The following SGCZ variants were observed in gnomAD, a reference collection of about 807,000 sequenced individuals.
The protein encoded by SGCZ is sarcoglycan zeta.
SGCZ carries 40 observed loss-of-function variants against 41.3 expected under a neutral mutation model. The observed-to-expected ratio is 0.97, with a 90% confidence interval of 0.75 to 1.26. The LOEUF (loss-of-function observed/expected upper bound fraction) is 1.26, where lower values mean the gene tolerates loss of function less well. SGCZ is among the 50% of genes most tolerant of loss of function. The pLI, the probability that SGCZ is intolerant of heterozygous loss-of-function variation, is 0.00. For missense variants in SGCZ, 552 were observed against 369.8 expected, an observed-to-expected ratio of 1.49 and a Z score of -4.04; for synonymous variants, 206 against 137.5, an observed-to-expected ratio of 1.50 and a Z score of -3.49.
chr8:14,417,699 A>G (rs968323988), intron 2 of SGCZ, among the ~76,000 whole-genome samples: 1 of 151,934 alleles, frequency 6.6e-6, no homozygotes, highest in Non-Finnish European at 1.5e-5. Flanking sequence ...GAAATTTGCT[A>G]AGGGAGTAGA....
chr8:14,393,939 T>A (rs570685400), intron 2 of SGCZ, among the ~76,000 whole-genome samples: 10 of 152,304 alleles, frequency 6.6e-5, no homozygotes, highest in Non-Finnish European at 1.0e-4. Flanking sequence ...CTGACCATAT[T>A]TTAAAATATA....
At chr8:14,992,361 C>A (rs1317370152) in intron 1 of SGCZ, among the ~76,000 whole-genome samples, 1 of 149,486 alleles carries the variant, frequency 6.7e-6, no homozygotes, top group Non-Finnish European at 1.5e-5. Context: ...AATCTACTCC[C>A]AAAACCAATG....
chr8:14,311,877 A>C (rs906357222), intron 3 of SGCZ, among the ~76,000 whole-genome samples: 1 of 152,168 alleles, frequency 6.6e-6, no homozygotes. Context: ...GCAGTGTTGT[A>C]TGAAGTGATC....
chr8:15,071,874 C>G (rs1805362927), intron 1 of SGCZ, among the ~76,000 whole-genome samples: 1 of 152,018 alleles, frequency 6.6e-6, no homozygotes, highest in Admixed American at 6.6e-5. Flanking sequence ...GCTGAAGACT[C>G]CATCTCATCT....
At chr8:15,150,710 T>C (rs776202215) in intron 1 of SGCZ, among the ~76,000 whole-genome samples, 1 of 152,234 alleles carries the variant, frequency 6.6e-6, no homozygotes, top group Non-Finnish European at 1.5e-5. Flanking sequence ...CTTTTTATTT[T>C]CCTAAATTCT....
intron 7 of SGCZ, among the ~76,000 whole-genome samples, chr8:14,092,570 GGA>G (rs1801720911): frequency 6.6e-6 from 1 of 151,954 alleles, no homozygotes; most frequent in Admixed American, 6.6e-5. Flanking sequence ...GGACCCAGTG[GGA>G]GATAGTTAAA....
At position 14,600,750 on chromosome 8, in the gene SGCZ, G is replaced by T. The variant is rs73517281; in HGVS notation, c.40-45824C>A. 7.7e-3 allele frequency among the ~76,000 whole-genome samples: 1,173 copies of T among 152,064 alleles called. 17 individuals are homozygous for T. Among genetic ancestry groups the T allele is most frequent in the African/African-American group, 0.027 (1,115 of 41,480 alleles). ...ACACATGCATCATTTTAAATTAAAG[G>T]TATCCTTGTACTATTTTAGTATTTA... On this transcript the variant is annotated intron_variant, in intron 1 of 7. Coordinates refer to ENST00000382080, the MANE Select transcript of SGCZ (RefSeq NM_139167.4).
In SGCZ at chr8:14,736,981, A is replaced by G. The variant is rs550443583; in HGVS notation, c.40-182055T>C. 2.9e-3 allele frequency among the ~76,000 whole-genome samples: 442 copies of G among 151,596 alleles called. 6 individuals carry two copies. The highest frequency in any genetic ancestry group is 0.01 in the African/African-American group (428 of 41,392). On this transcript the variant is annotated intron_variant, in intron 1 of 7. Coordinates refer to ENST00000382080, the MANE Select transcript of SGCZ (RefSeq NM_139167.4). ...AAAATTGTGGAACCAAACCAAATCCACATCAATCAACAAGTGGATAAAGAA... is the reference window on the plus strand; with the variant it reads ...AAAATTGTGGAACCAAACCAAATCCGCATCAATCAACAAGTGGATAAAGAA...
At chr8:14,500,656 A>G (rs1416872640) in intron 2 of SGCZ, among the ~76,000 whole-genome samples, 1 of 152,066 alleles carries the variant, frequency 6.6e-6, no homozygotes, top group Non-Finnish European at 1.5e-5. Context: ...ATATACCTGT[A>G]TTATTGACAG....
intron 3 of SGCZ, among the ~76,000 whole-genome samples, chr8:14,287,880 T>A (rs533311479): frequency 6.6e-6 from 1 of 152,136 alleles, no homozygotes; most frequent in African/African-American, 2.4e-5. Flanking sequence ...TAATTGGGAA[T>A]CTAGCTTAAT....
chr8:14,565,957 G>C (rs1162642842), intron 1 of SGCZ, among the ~76,000 whole-genome samples: 1 of 152,050 alleles, frequency 6.6e-6, no homozygotes, highest in Non-Finnish European at 1.5e-5. Context: ...ATTATTTATA[G>C]TGTAGTCAAA....
intron 1 of SGCZ, among the ~76,000 whole-genome samples, chr8:14,695,393 ATAAG>A (rs1221678727): frequency 6.6e-6 from 1 of 152,178 alleles, no homozygotes; most frequent in Non-Finnish European, 1.5e-5. Flanking sequence ...TGCATGTAAA[ATAAG>A]TATCATTAGC....
chr8:14,244,701 G>A (rs926896657), intron 3 of SGCZ, among the ~76,000 whole-genome samples: 3 of 151,796 alleles, frequency 2.0e-5, no homozygotes, highest in African/African-American at 4.8e-5. Flanking sequence ...CCATTTTCAC[G>A]ATATTGATTC....
intron 1 of SGCZ, among the ~76,000 whole-genome samples, chr8:14,830,899 A>C (rs914721251): frequency 2.0e-5 from 3 of 152,228 alleles, no homozygotes. Flanking sequence ...GGAAATTATC[A>C]GAGCTTTCTG....
At chr8:15,175,224 A>C (rs1463733691) in intron 1 of SGCZ, among the ~76,000 whole-genome samples, 1 of 152,184 alleles carries the variant, frequency 6.6e-6, no homozygotes, top group Non-Finnish European at 1.5e-5. Flanking sequence ...GTAAAGACAC[A>C]TGCATGCTTG....
intron 2 of SGCZ, among the ~76,000 whole-genome samples, chr8:14,518,395 A>C (rs1185276046): frequency 6.6e-6 from 1 of 152,142 alleles, no homozygotes; most frequent in Non-Finnish European, 1.5e-5. Context: ...TTACACATGG[A>C]ATAAATATCG....
chr8:14,772,793 T>C (rs1453651182), intron 1 of SGCZ, among the ~76,000 whole-genome samples: 1 of 152,116 alleles, frequency 6.6e-6, no homozygotes. Context: ...TTCCATGGTG[T>C]ATATGTGCCA....
At chr8:14,168,975 T>G (rs763576191) in intron 4 of SGCZ, among the ~76,000 whole-genome samples, 1 of 152,146 alleles carries the variant, frequency 6.6e-6, no homozygotes, top group Non-Finnish European at 1.5e-5. Context: ...ATTTGACCGA[T>G]GAGGAAACCA....
chr8:14,187,398 C>T (rs1056703151), intron 4 of SGCZ, among the ~76,000 whole-genome samples: 3 of 152,036 alleles, frequency 2.0e-5, no homozygotes, highest in African/African-American at 4.8e-5. Flanking sequence ...AAATGTCAGA[C>T]TTAACCAAGA....
Sources: allele counts gnomAD v4.1 joint callset (sites outside exome capture counted in the v4.1 genomes callset), GRCh38; gene constraint gnomAD v4.1.1; transcripts MANE v1.5; gene names NCBI Gene and HGNC (gene_info 2026-07-23, HGNC 2026-07-21).